Variants in EYA1 observed in about 807,000 individuals in gnomAD.
The protein encoded by EYA1 is protein phosphatase EYA1.
EYA1 carries 16 observed loss-of-function variants against 82.0 expected under a neutral mutation model. The ratio of observed to expected loss-of-function variants is 0.20; its 90% CI spans 0.13 to 0.30. The LOEUF is 0.30. EYA1 is among the 10% of genes least tolerant of loss of function. The pLI is 1.00. For missense variants in EYA1, 633 were observed against 730.7 expected, an observed-to-expected ratio of 0.87 and a Z score of 1.54; for synonymous variants, 261 against 264.4, an observed-to-expected ratio of 0.99 and a Z score of 0.12.
At chr8:71,524,804 A>G (rs1419877902) in intron 2 of EYA1, among the ~76,000 whole-genome samples, 1 of 152,212 alleles carries the variant, frequency 6.6e-6, no homozygotes, top group Non-Finnish European at 1.5e-5. Context: ...TGGACAGCAT[A>G]TTTCAAAATG....
intron 2 of EYA1, among the ~76,000 whole-genome samples, chr8:71,393,593 G>C (rs1829406255): frequency 1.3e-5 from 2 of 152,128 alleles, no homozygotes; most frequent in Admixed American, 1.3e-4. Flanking sequence ...ATGGTTTCCA[G>C]CTTCATCCAT....
intron 2 of EYA1, among the ~76,000 whole-genome samples, chr8:71,397,847 T>C (rs1407413783): frequency 6.6e-6 from 1 of 152,204 alleles, no homozygotes; most frequent in Non-Finnish European, 1.5e-5. Context: ...CCTTGCCACG[T>C]TGTGGAAGTT....
At chr8:71,397,016 T>G (rs1829663704) in intron 2 of EYA1, among the ~76,000 whole-genome samples, 1 of 152,260 alleles carries the variant, frequency 6.6e-6, no homozygotes, top group African/African-American at 2.4e-5. Context: ...CTCTTCTTGT[T>G]GAATTGATCC....
chr8:71,442,033 C>G (rs1187909349), intron 2 of EYA1, among the ~76,000 whole-genome samples: 2 of 152,186 alleles, frequency 1.3e-5, no homozygotes, highest in African/African-American at 4.8e-5. Flanking sequence ...AACTTGCCAG[C>G]TTCCGGAACT....
intron 16 of EYA1, 77 bp from the exon 17 acceptor site, chr8:71,211,333 A>G: frequency 2.1e-6 from 2 of 932,906 alleles, no homozygotes; most frequent in Non-Finnish European, 3.5e-6. Context: ...TTTTTATATA[A>G]AATGCTTTCT....
rs1363124531 is a variant in EYA1, at chr8:71,198,732, C to CAGA, written c.*605_*607dup. ...GTACTGTACTTGCCATGTTGTGAGG[C>CAGA]AGAGGCCTTTAATCACTTATTTCTA... On this transcript the variant is annotated 3_prime_UTR_variant, in exon 18 of 18. Transcript: ENST00000340726. The CAGA allele has an allele frequency of 2.5e-5, 4 of 158,078 alleles. No homozygotes were observed. The highest frequency in any genetic ancestry group is 4.8e-5 in the African/African-American group (2 of 41,448). The allele number at this position is 158,078 out of a possible 1,614,324, so 9.8% of individuals were successfully genotyped here. A position where few individuals can be genotyped will look rare whatever the true frequency, so the allele number is the denominator to read the frequency against.
At chr8:71,278,058 C>T (rs924539193) in intron 9 of EYA1, among the ~76,000 whole-genome samples, 1 of 152,140 alleles carries the variant, frequency 6.6e-6, no homozygotes, top group South Asian at 2.1e-4. Flanking sequence ...CTAGTAACTC[C>T]TCCTTGAGCC....
Position 71,385,528 on chromosome 8 carries a change from A to G in EYA1, c.34-29017T>C, listed in dbSNP as rs184555165. ...ATATAGCAACATCTGAAGTTTATAT[A>G]ATACTTTATTTATAAAGCACTTTCC... On this transcript the variant is annotated intron_variant, in intron 2 of 18. Coordinates refer to the EYA1 transcript ENST00000643681. 2.0e-4 allele frequency among the ~76,000 whole-genome samples: 30 copies of G among 152,324 alleles called. 1 individual carries two copies. In the East Asian group the frequency reaches 4.2e-3, roughly 22 times the overall value.
intron 3 of EYA1, among the ~76,000 whole-genome samples, chr8:71,343,273 C>T (rs1323190202): frequency 6.6e-6 from 1 of 152,144 alleles, no homozygotes; most frequent in Non-Finnish European, 1.5e-5. Flanking sequence ...TCCCCAAGTG[C>T]TTTCTCCCCC....
chr8:71,231,163 T>C (rs1811146868), intron 12 of EYA1, among the ~76,000 whole-genome samples: 1 of 152,236 alleles, frequency 6.6e-6, no homozygotes, highest in South Asian at 2.1e-4. Flanking sequence ...ACTTTCTCAG[T>C]AGCTTTCACA....
At position 71,405,962 on chromosome 8, in the gene EYA1, C is replaced by A. The variant is rs1830196183; in HGVS notation, c.34-49451G>T. 1.3e-5 allele frequency among the ~76,000 whole-genome samples: 2 copies of A among 152,258 alleles called. 1 individual carries two copies. Among genetic ancestry groups the A allele is most frequent in the East Asian group, 3.9e-4 (2 of 5,186 alleles). The stretch of plus-strand genomic sequence containing the variant: ...CACAATTTGCAGGAAATATAGATGA[C>A]AGAGAAACAGACAGCATAGGGATAT... On this transcript the variant is annotated intron_variant, in intron 2 of 18. Transcript: ENST00000643681.
At chr8:71,412,227 G>T (rs1448785885) in intron 2 of EYA1, among the ~76,000 whole-genome samples, 2 of 114,134 alleles carry the variant, frequency 1.8e-5, no homozygotes, top group African/African-American at 3.3e-5. Flanking sequence ...TGGGGACTGT[G>T]GTGGGGTGGG....
chr8:71,217,671 G>A (rs1368828587), intron 12 of EYA1, among the ~76,000 whole-genome samples: 1 of 151,752 alleles, frequency 6.6e-6, no homozygotes, highest in Non-Finnish European at 1.5e-5. Context: ...CCATGTGCTT[G>A]TTTGCTGTTT....
chr8:71,440,386 G>A (rs1036996904), intron 2 of EYA1, among the ~76,000 whole-genome samples: 2 of 152,144 alleles, frequency 1.3e-5, no homozygotes, highest in African/African-American at 4.8e-5. Flanking sequence ...GAACGACATG[G>A]GCAGGGCTGG....
At chr8:71,531,984 A>C (rs891847787) in intron 2 of EYA1, among the ~76,000 whole-genome samples, 1 of 152,196 alleles carries the variant, frequency 6.6e-6, no homozygotes, top group Non-Finnish European at 1.5e-5. Flanking sequence ...TCATGTCTAC[A>C]TAGGATCAAA....
At chr8:71,441,773 T>C (rs1320584264) in intron 2 of EYA1, among the ~76,000 whole-genome samples, 1 of 152,238 alleles carries the variant, frequency 6.6e-6, no homozygotes, top group Non-Finnish European at 1.5e-5. Flanking sequence ...TTGTACATTA[T>C]AACTTTAATC....
intron 2 of EYA1, chr8:71,404,320 A>C (rs1410140732): frequency 1.3e-5 from 2 of 152,240 alleles, no homozygotes; most frequent in Admixed American, 6.5e-5. Context: ...ACTACTGGTT[A>C]CAATGTATTA....
At chr8:71,463,805 T>C (rs1808586850) in intron 2 of EYA1, among the ~76,000 whole-genome samples, 1 of 152,100 alleles carries the variant, frequency 6.6e-6, no homozygotes, top group Non-Finnish European at 1.5e-5. Context: ...CTTGGACCGT[T>C]GCTGAATTCC....
chr8:71,206,983 T>G (rs1196931236), intron 17 of EYA1, among the ~76,000 whole-genome samples: 1 of 152,130 alleles, frequency 6.6e-6, no homozygotes, highest in Non-Finnish European at 1.5e-5. Context: ...CTCAAACTCC[T>G]GAGCTGAAGT....
Sources: gnomAD v4.1 joint callset for allele counts (sites outside exome capture counted in the v4.1 genomes callset) on GRCh38, gnomAD v4.1.1 for gene constraint, MANE v1.5 for transcripts, NCBI Gene and HGNC (gene_info 2026-07-23, HGNC 2026-07-21) for gene names.